Variants in STIM1 observed in about 807,000 individuals in gnomAD.
STIM1 encodes the protein stromal interaction molecule 1.
In STIM1, 25 loss-of-function variants were observed where a neutral mutation model predicts 74.7. The observed-to-expected ratio is 0.33, with a 90% CI of 0.24 to 0.47. The LOEUF (loss-of-function observed/expected upper bound fraction) is 0.47, where lower values mean the gene tolerates loss of function less well. STIM1 is among the 20% of genes least tolerant of loss of function. STIM1 has a pLI of 1.00. For missense variants in STIM1, 728 were observed against 920.8 expected (o/e 0.79, Z 2.71); for synonymous variants, 328 against 348.8 (o/e 0.94, Z 0.66).
chr11:3,960,422 T>C (rs1035916838), intron 1 of STIM1, among the ~76,000 whole-genome samples: 2 of 152,218 alleles, frequency 1.3e-5, no homozygotes, highest in African/African-American at 4.8e-5. Context: ...ATATTAATAA[T>C]TGTGGCTATT....
chr11:3,980,680 C>A (rs7123798), intron 2 of STIM1, among the ~76,000 whole-genome samples: 7,948 of 148,870 alleles, frequency 0.053, 703 homozygotes, highest in African/African-American at 0.19. Context: ...ACAACAACAA[C>A]AAAAAAAAAC....
At chr11:3,868,765 A>C (rs995929470) in intron 1 of STIM1, among the ~76,000 whole-genome samples, 10 of 152,146 alleles carry the variant, frequency 6.6e-5, no homozygotes, top group Non-Finnish European at 1.2e-4. Flanking sequence ...CCCTGGTTCA[A>C]CTGTTCTGAA....
intron 3 of STIM1, among the ~76,000 whole-genome samples, chr11:4,028,347 G>A (rs930068519): frequency 6.6e-6 from 1 of 152,004 alleles, no homozygotes; most frequent in Non-Finnish European, 1.5e-5. Context: ...CTCCTAAAAT[G>A]CTGGGATTAC....
chr11:3,870,697 C>G (rs142574839), intron 1 of STIM1, among the ~76,000 whole-genome samples: 1 of 151,804 alleles, frequency 6.6e-6, no homozygotes, highest in Non-Finnish European at 1.5e-5. Context: ...GGGGTCTCAC[C>G]ATGTTGCCCA....
At chr11:3,951,708 GTGT>G (rs2093150641) in intron 1 of STIM1, among the ~76,000 whole-genome samples, 1 of 152,162 alleles carries the variant, frequency 6.6e-6, no homozygotes, top group Admixed American at 6.5e-5. Context: ...TGCCCCCTAG[GTGT>G]TGTCCTTTAT....
intron 7 of STIM1, among the ~76,000 whole-genome samples, chr11:4,075,437 G>C (rs575543482): frequency 1.4e-4 from 22 of 152,252 alleles, no homozygotes; most frequent in African/African-American, 5.1e-4. Context: ...TTGTAAACCA[G>C]ATTAGTTTTG....
intron 2 of STIM1, chr11:3,989,447 C>T: frequency 5.6e-6 from 4 of 710,078 alleles, no homozygotes; most frequent in South Asian, 2.8e-5. Flanking sequence ...GCGGAGCTGA[C>T]CTTGCTCTTA....
In STIM1 at chr11:3,895,777, TTCCTTCCTTCCTTCCTTCCTTCCTTC is replaced by T. The variant is rs1292291892; in HGVS notation, c.139+39369_139+39394del. On this transcript the variant is annotated intron_variant, in intron 1 of 12. Coordinates refer to ENST00000526596, the MANE Select transcript of STIM1 (RefSeq NM_001382567.1). Reference sequence around the variant, plus strand: ...CTTCCTTCCTTCCTTCCTTCCTTCCTTCCTTCCTTCCTTCCTTCCTTCCTTCCTTTCTTTCCTTCCTTCTTTCTTTT... The same window carrying T: ...CTTCCTTCCTTCCTTCCTTCCTTCCTCTTTCTTTCCTTCCTTCTTTCTTTT... Among the ~76,000 whole-genome samples the T allele has an allele frequency of 4.6e-4, 42 of 90,690 alleles. 5 individuals carry two copies. The highest frequency in any genetic ancestry group is 2.6e-3 in the African/African-American group (39 of 14,830). The allele number at this position is 90,690 out of a possible 152,430, so 59.5% of individuals were successfully genotyped here. A position where few individuals can be genotyped will look rare whatever the true frequency, so the allele number is the denominator to read the frequency against.
At chr11:3,896,564 A>T (rs2135412498) in intron 1 of STIM1, among the ~76,000 whole-genome samples, 1 of 152,356 alleles carries the variant, frequency 6.6e-6, no homozygotes. Context: ...AAGGAAGCAT[A>T]AGATTTAGTA....
rs2094523316 is a variant in STIM1 at position 4,091,315 on chromosome 11, C to T, written c.1668C>T (p.Leu556=). 6.2e-7 allele frequency: 1 copy of T among 1,614,254 alleles called. No homozygotes were observed. Among genetic ancestry groups the T allele is most frequent in the Non-Finnish European group, 8.5e-7 (1 of 1,180,048 alleles). The stretch of plus-strand genomic sequence containing the variant: ...CCCATTCCGATTCGGAGTCCTCCCT[C>T]CACATGAGTGACCGCCAGCGTGTGG... ...DLTHSDSESS[L]HMSDRQRVAP... is the part of the protein sequence containing the mutation. The change falls in exon 13 of 13, where the codon CTC becomes CTT. Residue 556 remains leucine, a synonymous_variant. Transcript: ENST00000526596.
At chr11:4,058,712 T>C in intron 4 of STIM1, 1 of 815,112 alleles carries the variant, frequency 1.2e-6, no homozygotes, top group Non-Finnish European at 1.5e-6. Flanking sequence ...TGGAGGTAAC[T>C]TGTATTGCAG....
At chr11:4,018,357 C>T (rs1449174106) in intron 2 of STIM1, among the ~76,000 whole-genome samples, 1 of 141,778 alleles carries the variant, frequency 7.1e-6, no homozygotes, top group Non-Finnish European at 1.5e-5. Flanking sequence ...GAGGCTGAGG[C>T]AGGATAATGG....
Position 3,855,830 on chromosome 11 carries a change from C to T in STIM1, c.-441C>T. The T allele has an allele frequency of 4.9e-6, 1 of 203,900 alleles. No homozygotes were observed. Among genetic ancestry groups the T allele is most frequent in the South Asian group, 6.8e-5 (1 of 14,806 alleles). 12.6% of individuals were successfully genotyped at this position (203,900 alleles called of 1,614,324 possible). The stretch of plus-strand genomic sequence containing the variant: ...CCTGCGGGTCGCACGCCCTCCCCAG[C>T]TTCTGCTGCTCGCCGCTCTTCGGCA... On this transcript the variant is annotated 5_prime_UTR_variant, in exon 1 of 13. Coordinates refer to ENST00000526596, the MANE Select transcript of STIM1 (RefSeq NM_001382567.1).
intron 2 of STIM1, among the ~76,000 whole-genome samples, chr11:4,009,350 C>T (rs1401844620): frequency 2.6e-5 from 4 of 151,084 alleles, no homozygotes; most frequent in African/African-American, 7.3e-5. Flanking sequence ...TGGTGGCTCA[C>T]GCCTGTAATC....
chr11:4,030,105 G>A (rs1056870599), intron 3 of STIM1, among the ~76,000 whole-genome samples: 2 of 152,100 alleles, frequency 1.3e-5, no homozygotes, highest in African/African-American at 4.8e-5. Flanking sequence ...GAGGCGGGTG[G>A]ATCACTTAAG....
At chr11:4,063,376 G>C (rs1253425471) in intron 5 of STIM1, among the ~76,000 whole-genome samples, 1 of 152,092 alleles carries the variant, frequency 6.6e-6, no homozygotes, top group African/African-American at 2.4e-5. Flanking sequence ...ACAAGTTGAA[G>C]GTTTGTGGCA....
At chr11:3,865,689 T>G (rs1397225488) in intron 1 of STIM1, among the ~76,000 whole-genome samples, 1 of 152,178 alleles carries the variant, frequency 6.6e-6, no homozygotes, top group East Asian at 1.9e-4. Context: ...AGGAGACAGG[T>G]CAGAGCCTTA....
intron 2 of STIM1, among the ~76,000 whole-genome samples, chr11:4,013,090 G>A (rs1251270502): frequency 6.6e-6 from 1 of 152,198 alleles, no homozygotes; most frequent in Non-Finnish European, 1.5e-5. Flanking sequence ...GATCATGGTG[G>A]ATAAGCTTTT....
chr11:3,993,228 C>G (rs1222963036), intron 2 of STIM1, among the ~76,000 whole-genome samples: 1 of 152,132 alleles, frequency 6.6e-6, no homozygotes, highest in East Asian at 1.9e-4. Flanking sequence ...CCTTGTCACT[C>G]ACTGTAGCCA....
Sources: allele counts gnomAD v4.1 joint callset (sites outside exome capture counted in the v4.1 genomes callset), GRCh38; gene constraint gnomAD v4.1.1; transcripts MANE v1.5; gene names NCBI Gene and HGNC (gene_info 2026-07-23, HGNC 2026-07-21).